The following XDH variants were observed in gnomAD, a reference collection of about 807,000 sequenced individuals.
XDH encodes xanthine dehydrogenase/oxidase.
XDH carries 138 observed loss-of-function variants against 156.1 expected under a neutral mutation model. That is an observed-to-expected ratio of 0.88 (90% CI 0.77 to 1.02). XDH has a LOEUF of 1.02. XDH is among the 50% of genes least tolerant of loss of function. The pLI, the probability that XDH is intolerant of heterozygous loss-of-function variation, is 0.00. For missense variants in XDH, 1,849 were observed against 1,684.9 expected (o/e 1.10, Z -1.71); for synonymous variants, 669 against 625.7 (o/e 1.07, Z -1.03).
At chr2:31,371,637 T>C (rs1164718401) in intron 17 of XDH, among the ~76,000 whole-genome samples, 1 of 152,102 alleles carries the variant, frequency 6.6e-6, no homozygotes, top group Non-Finnish European at 1.5e-5. Context: ...GGAAAGAATG[T>C]ATCCTATAGC....
chr2:31,347,409 G>A, intron 29 of XDH, 113 bp downstream of exon 29: 3 of 1,524,428 alleles, frequency 2.0e-6, no homozygotes, highest in Non-Finnish European at 9.0e-7. Context: ...CCAGAGGCCT[G>A]GCCAGAGCCA....
rs1397401829 is a variant in XDH, at chr2:31,372,294, A to G, written c.1790T>C (p.Ile597Thr). 6.2e-7 allele frequency: 1 copy of G among 1,614,196 alleles called. No homozygotes were observed. Among genetic ancestry groups the G allele is most frequent in the African/African-American group, 1.3e-5 (1 of 75,056 alleles). The stretch of plus-strand genomic sequence containing the variant: ...AGACAGCTCATTCTCGTAGCGAGGA[A>G]TGTCGTCACAGTACACGGCCTCACC... ...ASGEAVYCDD[I>T]PRYENELSLR... Residue 597 changes from isoleucine to threonine, a missense_variant, in exon 17 of 36, where the codon ATT becomes ACT. By Grantham distance (89) the Ile-to-Thr change is moderately conservative (BLOSUM62 -1). Transcript: ENST00000379416.
At chr2:31,393,798 T>C (rs1166850780) in intron 6 of XDH, among the ~76,000 whole-genome samples, 1 of 92,618 alleles carries the variant, frequency 1.1e-5, no homozygotes, top group South Asian at 3.0e-4. Flanking sequence ...ACTTCCTTTT[T>C]TCTTTTTTTT....
chr2:31,387,739 A>T, intron 8 of XDH, 72 bp downstream of exon 8: 1 of 1,369,028 alleles, frequency 7.3e-7, no homozygotes, highest in East Asian at 2.5e-5. Context: ...CCCAGTGGGT[A>T]TGAAAATAAA....
At chr2:31,336,305 T>C (rs768942541) in intron 35 of XDH, among the ~76,000 whole-genome samples, 1 of 152,260 alleles carries the variant, frequency 6.6e-6, no homozygotes, top group Non-Finnish European at 1.5e-5. Flanking sequence ...GTTCATAGAA[T>C]CAGCTGCTCA....
At chr2:31,409,632 C>A (rs1171124000) in intron 1 of XDH, among the ~76,000 whole-genome samples, 1 of 152,078 alleles carries the variant, frequency 6.6e-6, no homozygotes, top group African/African-American at 2.4e-5. Context: ...AAATGGCCAG[C>A]AAATAAATGA....
chr2:31,371,763 C>T (rs1268353381), intron 17 of XDH, among the ~76,000 whole-genome samples: 2 of 152,114 alleles, frequency 1.3e-5, no homozygotes, highest in African/African-American at 2.4e-5. Context: ...GATCCCGTCT[C>T]CAAACTAGGA....
intron 24 of XDH, 133 bp from the exon 25 acceptor site, chr2:31,350,356 T>C: frequency 4.1e-6 from 3 of 740,140 alleles, no homozygotes; most frequent in Admixed American, 2.6e-5. Flanking sequence ...CCCCAGGATA[T>C]TGCAGCAGCA....
At chr2:31,400,362 C>CT (rs1687024060) in intron 4 of XDH, among the ~76,000 whole-genome samples, 1 of 151,650 alleles carries the variant, frequency 6.6e-6, no homozygotes, top group Non-Finnish European at 1.5e-5. Context: ...CCTCAGCCTC[C>CT]TGAGTATCTG....
chr2:31,346,299 C>T (rs557728548), intron 30 of XDH, among the ~76,000 whole-genome samples: 1 of 152,304 alleles, frequency 6.6e-6, no homozygotes, highest in South Asian at 2.1e-4. Context: ...TTCCCCAAAT[C>T]ACAGGAATGA....
chr2:31,381,523 G>T, intron 12 of XDH, 110 bp downstream of exon 12: 2 of 1,099,694 alleles, frequency 1.8e-6, no homozygotes, highest in Non-Finnish European at 2.7e-6. Flanking sequence ...AAATCACAGG[G>T]AAAGCTGGGT....
Position 31,395,572 on chromosome 2 carries a change from G to A in XDH, c.495+2096C>T, listed in dbSNP as rs560900115. On this transcript the variant is annotated intron_variant, in intron 6 of 35. Transcript: ENST00000379416. ...GTGAGGACCTGGTGGAGATCCTGGA[G>A]GTAAAACTCACAAAGGTGTAGAGCA... Among the ~76,000 whole-genome samples, 55 of 152,270 alleles carry A rather than the reference G, an allele frequency of 3.6e-4. 1 individual carries two copies. The highest frequency in any genetic ancestry group is 3.6e-3 in the Admixed American group (55 of 15,300).
chr2:31,406,095 G>T, intron 1 of XDH, 131 bp from the exon 2 acceptor site: 1 of 1,009,196 alleles, frequency 9.9e-7, no homozygotes, highest in Non-Finnish European at 1.5e-6. Context: ...TTTGCACTCT[G>T]CCCCTCTAAA....
chr2:31,348,752 C>T, intron 27 of XDH, 147 bp downstream of exon 27: 1 of 743,142 alleles, frequency 1.3e-6, no homozygotes, highest in South Asian at 1.6e-5. Context: ...TAGGACTGTG[C>T]AAGTTCGACT....
At chr2:31,413,000 G>T (rs1687384219) in intron 1 of XDH, among the ~76,000 whole-genome samples, 1 of 152,116 alleles carries the variant, frequency 6.6e-6, no homozygotes, top group Admixed American at 6.5e-5. Flanking sequence ...TAAAATGCAA[G>T]GGAAAATAAT....
intron 24 of XDH, among the ~76,000 whole-genome samples, chr2:31,359,125 G>A (rs1253304454): frequency 1.3e-5 from 2 of 152,092 alleles, no homozygotes; most frequent in African/African-American, 4.8e-5. Flanking sequence ...ACTAATTCTA[G>A]TGGGTAAAGA....
chr2:31,343,531 G>GTATAAGGCAGATATATATGCCTTA (rs1685196286), intron 31 of XDH, among the ~76,000 whole-genome samples: 1 of 119,794 alleles, frequency 8.3e-6, no homozygotes, highest in Non-Finnish European at 1.8e-5. Context: ...ATACATATAT[G>GTATAAGGCAGATATATATGCCTTA]TATAAGGCAT....
In XDH at chr2:31,365,452, A is replaced by G; in HGVS notation, c.2544+5T>C. On this transcript the variant is annotated splice_donor_5th_base_variant and intron_variant, in intron 23 of 35. Transcript: ENST00000379416. ...CCGCCCCAGCACAGCCCCAACATCT[A>G]GAACCTTGTATCTGGCCAGGAAGGG... The G allele has an allele frequency of 6.2e-7, 1 of 1,614,190 alleles. No individual in the cohort carries two copies. The highest frequency in any genetic ancestry group is 8.5e-7 in the Non-Finnish European group (1 of 1,180,018).
chr2:31,377,952 T>C (rs1249812702), intron 13 of XDH, among the ~76,000 whole-genome samples: 2 of 150,384 alleles, frequency 1.3e-5, no homozygotes, highest in Non-Finnish European at 3.0e-5. Context: ...GCCTGGGACA[T>C]TGAGGCCACA....
Sources: allele counts gnomAD v4.1 joint callset (sites outside exome capture counted in the v4.1 genomes callset), GRCh38; gene constraint gnomAD v4.1.1; transcripts MANE v1.5; gene names NCBI Gene and HGNC (gene_info 2026-07-23, HGNC 2026-07-21).